Variants in TAC1 observed in about 807,000 individuals in gnomAD.
TAC1 encodes protachykinin-1.
Under a neutral mutation model 21.7 loss-of-function variants are expected in TAC1, and 12 were observed. That is an observed-to-expected ratio of 0.55 (90% CI 0.35 to 0.89). The LOEUF is 0.89. TAC1 is among the 40% of genes least tolerant of loss of function. TAC1 has a pLI of 0.01. For missense variants in TAC1, 128 were observed against 151.4 expected (o/e 0.85, Z 0.81); for synonymous variants, 52 against 52.0 (o/e 1.00, Z 0.00).
chr7:97,734,832 G>A lies in TAC1; in HGVS notation c.272G>A (p.Gly91Asp). The A allele has an allele frequency of 6.3e-7, 1 of 1,595,080 alleles. No homozygotes were observed. The highest frequency in any genetic ancestry group is 8.6e-7 in the Non-Finnish European group (1 of 1,166,094). The change falls in exon 5 of 7, where the codon GGC becomes GAC. Residue 91 changes from glycine (G) to aspartate (D), a missense_variant. By Grantham distance (94) the Gly-to-Asp change is moderately conservative. Coordinates refer to ENST00000319273, the MANE Select transcript of TAC1 (RefSeq NM_003182.3). ...VALLKALYGHGQISHKRHKTD... is the reference protein window; with the variant it reads ...VALLKALYGHDQISHKRHKTD... ...AATTTTATCTTTCTTCTAGGACATG[G>A]CCAGATCTCTCACAAAAGTAAGTTC...
At chr7:97,733,882 G>A in intron 3 of TAC1, 63 bp downstream of exon 3, 1 of 1,489,756 alleles carries the variant, frequency 6.7e-7, no homozygotes. Flanking sequence ...ACTCCTTCCT[G>A]GAGTACCCCA....
intron 5 of TAC1, among the ~76,000 whole-genome samples, chr7:97,735,389 TG>T (rs924132524): frequency 7.2e-5 from 11 of 152,166 alleles, no homozygotes; most frequent in African/African-American, 2.4e-4. Context: ...CCTAATTGAA[TG>T]GGAAAACTCG....
intron 5 of TAC1, among the ~76,000 whole-genome samples, chr7:97,735,141 T>C (rs1392673067): frequency 6.6e-6 from 1 of 152,126 alleles, no homozygotes; most frequent in East Asian, 1.9e-4. Context: ...CTACCATACA[T>C]ATTTCTTCCC....
chr7:97,735,707 T>C (rs954750884), intron 5 of TAC1, among the ~76,000 whole-genome samples: 2 of 152,092 alleles, frequency 1.3e-5, no homozygotes, highest in African/African-American at 4.8e-5. Context: ...AGTATTCATA[T>C]TTACTTTCTA....
At chr7:97,736,602 C>T (rs1789579317) in intron 6 of TAC1, among the ~76,000 whole-genome samples, 1 of 152,020 alleles carries the variant, frequency 6.6e-6, no homozygotes, top group Non-Finnish European at 1.5e-5. Flanking sequence ...TCATTACCAA[C>T]CTGAATCTTT....
rs568322293 is a variant in TAC1, at chr7:97,733,345, G to A, written c.124-378G>A. On this transcript the variant is annotated intron_variant, in intron 2 of 6. Transcript: ENST00000319273. ...CTTCCCCACCGGAGCCCCAGCCCCA[G>A]ATCCCACACACCTGTGTGCATTTAG... Among the ~76,000 whole-genome samples the A allele has an allele frequency of 3.4e-3, 510 of 152,140 alleles. 1 individual carries two copies. The highest frequency in any genetic ancestry group is 0.012 in the African/African-American group (482 of 41,516).
Position 97,740,059 on chromosome 7 carries a change from T to A in TAC1, c.*139T>A. The A allele has an allele frequency of 1.7e-6, 1 of 599,878 alleles. No individual in the cohort carries two copies. Among genetic ancestry groups the A allele is most frequent in the Non-Finnish European group, 2.8e-6 (1 of 360,458 alleles). The allele number at this position is 599,878 out of a possible 1,614,324, so 37.2% of individuals were successfully genotyped here. A position where few individuals can be genotyped will look rare whatever the true frequency, so the allele number is the denominator to read the frequency against. ...TGAAAATTCAAAAAGTGTTTATTTT[T>A]CATATTGTGCCAATATGTATTGTAA... On this transcript the variant is annotated 3_prime_UTR_variant, in exon 7 of 7. Coordinates refer to ENST00000319273, the MANE Select transcript of TAC1 (RefSeq NM_003182.3).
intron 4 of TAC1, 60 bp from the exon 5 acceptor site, chr7:97,734,766 A>G (rs989681695): frequency 1.6e-6 from 2 of 1,231,198 alleles, no homozygotes; most frequent in African/African-American, 3.0e-5. Context: ...TATAAAAGAT[A>G]TAATGTAGCA....
At chr7:97,735,891 T>G (rs1789566104) in intron 5 of TAC1, among the ~76,000 whole-genome samples, 1 of 152,158 alleles carries the variant, frequency 6.6e-6, no homozygotes, top group Non-Finnish European at 1.5e-5. Context: ...TCTGGTTTAA[T>G]TAAGGTCTAC....
chr7:97,735,400 G>T (rs918905615), intron 5 of TAC1, among the ~76,000 whole-genome samples: 8 of 152,146 alleles, frequency 5.3e-5, no homozygotes, highest in Non-Finnish European at 8.8e-5. Context: ...GGGAAAACTC[G>T]ATCAGTAAAA....
rs1455664782 is a variant in TAC1, at chr7:97,732,741, G to C, written c.123+6G>C. On this transcript the variant is annotated splice_donor_region_variant and intron_variant, in intron 2 of 6. Coordinates refer to ENST00000319273, the MANE Select transcript of TAC1 (RefSeq NM_003182.3). The surrounding 1 kb of genome is among the most constrained non-coding windows in gnomAD (Gnocchi z 6.2). ...ACGACAGCGACCAGATCAAGGTGAG[G>C]CCCCTTCCCAGGACGGCCCGCACCC... The C allele has an allele frequency of 1.9e-6, 3 of 1,612,838 alleles. No homozygotes were observed. The highest frequency in any genetic ancestry group is 2.5e-6 in the Non-Finnish European group (3 of 1,179,632).
At chr7:97,734,503 TTC>T (rs1238506911) in intron 4 of TAC1, among the ~76,000 whole-genome samples, 4 of 148,100 alleles carry the variant, frequency 2.7e-5, no homozygotes, top group African/African-American at 5.1e-5. Flanking sequence ...CTCTCTCTCT[TTC>T]TCTCTCTCTC....
At chr7:97,734,380 A>T (rs1789511957) in intron 4 of TAC1, 88 bp downstream of exon 4, 2 of 1,166,178 alleles carry the variant, frequency 1.7e-6, no homozygotes, top group Non-Finnish European at 2.5e-6. Context: ...GAAATACAAG[A>T]TCTGGGTCAT....
chr7:97,734,066 G>A, intron 3 of TAC1, 182 bp from the exon 4 acceptor site: 1 of 694,956 alleles, frequency 1.4e-6, no homozygotes, highest in Non-Finnish European at 2.4e-6. Flanking sequence ...GATCCAAACT[G>A]ACAAAGGGAA....
intron 3 of TAC1, chr7:97,734,035 T>TGAA (rs1789503622): frequency 1.5e-6 from 1 of 677,698 alleles, no homozygotes; most frequent in African/African-American, 1.8e-5. Flanking sequence ...TGTATTCGAG[T>TGAA]GAAGCGCTCC....
Position 97,732,986 on chromosome 7 carries a change from C to T in TAC1, c.123+251C>T, listed in dbSNP as rs957952948. ...ACTCCCTGCAGTAGGGATGCCCTCC[C>T]GGATGAGCCCGAGATCCTCACAAGG... On this transcript the variant is annotated intron_variant, in intron 2 of 6. Transcript: ENST00000319273. This position sits in a 1 kb window ranked among gnomAD's most constrained non-coding sequence, Gnocchi z 6.2. 7.2e-6 allele frequency: 3 copies of T among 414,956 alleles called. No individual in the cohort carries two copies. The highest frequency in any genetic ancestry group is 4.3e-5 in the South Asian group (1 of 23,226). The allele number at this position is 414,956 out of a possible 1,614,324, so 25.7% of individuals were successfully genotyped here.
Position 97,732,670 on chromosome 7 carries a change from GA to G in TAC1, c.60del (p.Glu21LysfsTer2). 2 of 1,614,128 alleles carry G rather than the reference GA, an allele frequency of 1.2e-6. No homozygotes were observed. Among genetic ancestry groups the G allele is most frequent in the Non-Finnish European group, 8.5e-7 (1 of 1,180,044 alleles). The stretch of plus-strand genomic sequence containing the variant: ...TCTTGTCTCCACTCAGCTGTTTGCA[GA>G]AGAAATAGGAGCCAATGATGATCTG... Reference protein sequence around the residue: ...FFLVSTQLFAEEIGANDDLNY... With the variant: ...FFLVSTQLFAXEIGANDDLNY... On this transcript the variant is annotated frameshift_variant, in exon 2 of 7. Transcript: ENST00000319273. LOFTEE classifies it high-confidence loss of function. The surrounding 1 kb of genome is among the most constrained non-coding windows in gnomAD (Gnocchi z 6.2).
At chr7:97,736,866 A>G (rs572513348) in intron 6 of TAC1, among the ~76,000 whole-genome samples, 1 of 152,230 alleles carries the variant, frequency 6.6e-6, no homozygotes, top group East Asian at 1.9e-4. Context: ...ATCCTGATGG[A>G]TGTTGGAGAG....
intron 6 of TAC1, among the ~76,000 whole-genome samples, chr7:97,737,592 T>A (rs1584418546): frequency 6.6e-6 from 1 of 152,006 alleles, no homozygotes; most frequent in East Asian, 1.9e-4. Flanking sequence ...ATTGACCTTT[T>A]GATACAAAAT....
Sources: gnomAD v4.1 joint callset for allele counts (sites outside exome capture counted in the v4.1 genomes callset) on GRCh38, gnomAD v4.1.1 for gene constraint, Gnocchi (gnomAD v3.1) non-coding constraint, MANE v1.5 for transcripts, NCBI Gene and HGNC (gene_info 2026-07-23, HGNC 2026-07-21) for gene names.